The following CCDC148 variants were observed in gnomAD, a reference collection of about 807,000 sequenced individuals.
The protein encoded by CCDC148 is coiled-coil domain containing 148, also known as coiled-coil domain-containing protein 148.
In CCDC148, 89 loss-of-function variants were observed where a neutral mutation model predicts 85.7. That is an observed-to-expected ratio of 1.04 (90% CI 0.87 to 1.24). The LOEUF (loss-of-function observed/expected upper bound fraction) is 1.24, where lower values mean the gene tolerates loss of function less well. CCDC148 is among the 50% of genes most tolerant of loss of function. The pLI is 0.00. For missense variants in CCDC148, 692 were observed against 671.7 expected (o/e 1.03, Z -0.33); for synonymous variants, 230 against 213.9 (o/e 1.08, Z -0.66).
chr2:158,309,152 G>A (rs1462492285), intron 9 of CCDC148, among the ~76,000 whole-genome samples: 3 of 152,124 alleles, frequency 2.0e-5, no homozygotes, highest in Admixed American at 2.0e-4. Flanking sequence ...TAGCACCTCA[G>A]TCTGATGTGC....
chr2:158,226,063 C>T (rs903622409), intron 10 of CCDC148, among the ~76,000 whole-genome samples: 1 of 151,930 alleles, frequency 6.6e-6, no homozygotes, highest in Non-Finnish European at 1.5e-5. Context: ...GCTAGCAAGA[C>T]TAATAAAGCA....
chr2:158,402,053 A>G (rs1393958409), intron 1 of CCDC148, among the ~76,000 whole-genome samples: 1 of 152,036 alleles, frequency 6.6e-6, no homozygotes, highest in East Asian at 1.9e-4. Flanking sequence ...TAATGTACCT[A>G]ATACCCATAG....
chr2:158,336,470 AATATTCC>A (rs1168052742), intron 7 of CCDC148, among the ~76,000 whole-genome samples: 1 of 152,162 alleles, frequency 6.6e-6, no homozygotes, highest in Non-Finnish European at 1.5e-5. Flanking sequence ...TCTTCCCCCA[AATATTCC>A]AAGCCTTCTT....
intron 1 of CCDC148, among the ~76,000 whole-genome samples, chr2:158,422,738 A>G (rs948329705): frequency 3.2e-4 from 49 of 152,170 alleles, no homozygotes; most frequent in African/African-American, 1.2e-3. Context: ...GGCCCGAGCA[A>G]TCAGGCAGGA....
At chr2:158,223,452 T>A (rs1424715280) in intron 10 of CCDC148, among the ~76,000 whole-genome samples, 3 of 152,218 alleles carry the variant, frequency 2.0e-5, no homozygotes, top group Admixed American at 6.5e-5. Context: ...TGTCCCTGTC[T>A]GACAGCTTTG....
chr2:158,320,678 C>A (rs148385887), intron 7 of CCDC148, among the ~76,000 whole-genome samples: 3 of 152,136 alleles, frequency 2.0e-5, no homozygotes, highest in Admixed American at 1.3e-4. Flanking sequence ...TAGACACAAA[C>A]CCATCAAGCT....
chr2:158,429,386 T>TAGATAGATAGAC (rs1553521125), intron 1 of CCDC148, among the ~76,000 whole-genome samples: 178 of 152,000 alleles, frequency 1.2e-3, no homozygotes, highest in African/African-American at 4.1e-3. Flanking sequence ...GATAGATAGA[T>TAGATAGATAGAC]AGATAGATAG....
chr2:158,187,942 T>C (rs1225269395), intron 11 of CCDC148, among the ~76,000 whole-genome samples: 2 of 152,026 alleles, frequency 1.3e-5, no homozygotes, highest in Non-Finnish European at 2.9e-5. Context: ...GCTGGTTAAA[T>C]AAAGAACTGC....
chr2:158,173,856 T>C (rs1236100226), intron 13 of CCDC148, among the ~76,000 whole-genome samples: 1 of 152,050 alleles, frequency 6.6e-6, no homozygotes, highest in African/African-American at 2.4e-5. Flanking sequence ...ACCTCTCTTT[T>C]CAGTTCCATG....
At chr2:158,357,773 AAAAC>A (rs1278322126) in intron 2 of CCDC148, among the ~76,000 whole-genome samples, 5 of 152,350 alleles carry the variant, frequency 3.3e-5, no homozygotes, top group African/African-American at 9.6e-5. Flanking sequence ...AATAAAAGGC[AAAAC>A]AAACAAACCA....
rs528284641 is a variant in CCDC148, at chr2:158,412,524, T to A, written c.25+43891A>T. Among the ~76,000 whole-genome samples, 8 of 152,276 alleles carry A rather than the reference T, an allele frequency of 5.3e-5. No individual in the cohort carries two copies. The South Asian group carries it at 1.4e-3, about 28-fold the overall frequency. On this transcript the variant is annotated intron_variant, in intron 1 of 13. Transcript: ENST00000283233. Reference sequence around the variant, plus strand: ...CCAGTTCCAGCCCACAAATACTGAATCAGAATTTAAAAGAGAGAGGCATAG... The same window carrying A: ...CCAGTTCCAGCCCACAAATACTGAAACAGAATTTAAAAGAGAGAGGCATAG...
chr2:158,418,785 T>C (rs1686630367), intron 1 of CCDC148, among the ~76,000 whole-genome samples: 1 of 152,184 alleles, frequency 6.6e-6, no homozygotes, highest in Admixed American at 6.5e-5. Flanking sequence ...TTTTCTGTCT[T>C]ATTTATCATA....
chr2:158,197,264 G>GT (rs988722539), intron 11 of CCDC148, among the ~76,000 whole-genome samples: 1 of 151,898 alleles, frequency 6.6e-6, no homozygotes, highest in Non-Finnish European at 1.5e-5. Context: ...TTCTCCTAAA[G>GT]TTTTTTTTAA....
At chr2:158,354,923 T>C (rs2105262308) in intron 2 of CCDC148, among the ~76,000 whole-genome samples, 1 of 151,992 alleles carries the variant, frequency 6.6e-6, no homozygotes, top group South Asian at 2.1e-4. Flanking sequence ...GCTGGTTCAA[T>C]ATACGCAAAT....
rs1686045424 is a variant in CCDC148, at chr2:158,202,963, A to G, written c.1370+17632T>C. On this transcript the variant is annotated intron_variant, in intron 11 of 13. Coordinates refer to ENST00000283233, the MANE Select transcript of CCDC148 (RefSeq NM_138803.4). Reference sequence around the variant, plus strand: ...AGATGGTGTGACAGGTCTGAGCAGCACTATACTCTTAAGCCATTCAGCAGA... The same window carrying G: ...AGATGGTGTGACAGGTCTGAGCAGCGCTATACTCTTAAGCCATTCAGCAGA... Among the ~76,000 whole-genome samples, 3 of 152,186 alleles carry G rather than the reference A, an allele frequency of 2.0e-5. No homozygotes were observed. The South Asian group carries it at 6.2e-4, about 32-fold the overall frequency.
At chr2:158,422,841 T>C (rs1686869398) in intron 1 of CCDC148, among the ~76,000 whole-genome samples, 1 of 150,804 alleles carries the variant, frequency 6.6e-6, no homozygotes, top group Admixed American at 6.6e-5. Flanking sequence ...AACCCCATTG[T>C]TTCAGCCCAA....
intron 7 of CCDC148, among the ~76,000 whole-genome samples, chr2:158,334,181 C>T (rs912076617): frequency 6.6e-6 from 1 of 152,106 alleles, no homozygotes; most frequent in Non-Finnish European, 1.5e-5. Flanking sequence ...TACACTGAGC[C>T]TCTAGCAGTT....
chr2:158,363,107 T>A (rs528233504), intron 1 of CCDC148, among the ~76,000 whole-genome samples: 1 of 152,050 alleles, frequency 6.6e-6, no homozygotes, highest in South Asian at 2.1e-4. Context: ...CCCTCCTAAG[T>A]CTAAACCAGG....
intron 9 of CCDC148, among the ~76,000 whole-genome samples, chr2:158,301,245 A>C (rs1691428058): frequency 6.6e-6 from 1 of 152,238 alleles, no homozygotes; most frequent in African/African-American, 2.4e-5. Context: ...TCATGAGAGG[A>C]GCAATAGCTC....
Sources: gnomAD v4.1 joint callset for allele counts (sites outside exome capture counted in the v4.1 genomes callset) on GRCh38, gnomAD v4.1.1 for gene constraint, MANE v1.5 for transcripts, NCBI Gene and HGNC (gene_info 2026-07-23, HGNC 2026-07-21) for gene names.